Variants in SNTG2 observed in about 807,000 individuals in gnomAD.
SNTG2 encodes gamma-2-syntrophin.
Under a neutral mutation model 70.9 loss-of-function variants are expected in SNTG2, and 74 were observed. The ratio of observed to expected loss-of-function variants is 1.04; its 90% CI spans 0.86 to 1.27. The LOEUF is 1.27. Ranked by LOEUF, SNTG2 falls within the 50% of genes most tolerant of loss-of-function variation. SNTG2 has a pLI of 0.00. For missense variants in SNTG2, 717 were observed against 690.7 expected (o/e 1.04, Z -0.43); for synonymous variants, 278 against 273.8 (o/e 1.02, Z -0.15).
chr2:1,324,541 G>A (rs1311237980), intron 16 of SNTG2, among the ~76,000 whole-genome samples: 1 of 152,064 alleles, frequency 6.6e-6, no homozygotes, highest in African/African-American at 2.4e-5. Flanking sequence ...GAGACTTCTT[G>A]GAGCCAGGAA....
chr2:1,058,328 T>C lies in SNTG2; in HGVS notation c.73-25190T>C, dbSNP rs1039845588. On this transcript the variant is annotated intron_variant, in intron 1 of 16. Coordinates refer to ENST00000308624, the MANE Select transcript of SNTG2 (RefSeq NM_018968.4). ...GGTAAAAGTACAGGCAGAGTAGGCA[T>C]TGGATTTTTTTTTAAAAAAGCAAAC... 5.3e-5 allele frequency among the ~76,000 whole-genome samples: 8 copies of C among 152,172 alleles called. No individual in the cohort carries two copies. In the South Asian group the frequency reaches 8.3e-4, roughly 16 times the overall value.
intron 8 of SNTG2, among the ~76,000 whole-genome samples, chr2:1,193,603 G>A (rs1193864849): frequency 1.3e-5 from 2 of 150,564 alleles, no homozygotes; most frequent in African/African-American, 2.4e-5. Flanking sequence ...GAATAAAGAA[G>A]AAAAAAAAAC....
chr2:1,143,742 G>A (rs1020502758), intron 6 of SNTG2, among the ~76,000 whole-genome samples: 7 of 83,294 alleles, frequency 8.4e-5, no homozygotes, highest in Admixed American at 1.2e-4. Flanking sequence ...GAATGGTGGC[G>A]GATGCCTGTA....
chr2:1,044,677 T>C (rs1452518471), intron 1 of SNTG2, among the ~76,000 whole-genome samples: 1 of 152,230 alleles, frequency 6.6e-6, no homozygotes, highest in Non-Finnish European at 1.5e-5. Flanking sequence ...GTTATCTTCA[T>C]GTGATGAAGT....
intron 1 of SNTG2, among the ~76,000 whole-genome samples, chr2:1,042,578 G>A (rs1661501134): frequency 6.6e-6 from 1 of 152,128 alleles, no homozygotes; most frequent in South Asian, 2.1e-4. Flanking sequence ...GTGTCCATAT[G>A]TACTCAGTAT....
At chr2:1,066,471 G>A (rs1354366423) in intron 1 of SNTG2, among the ~76,000 whole-genome samples, 6 of 152,000 alleles carry the variant, frequency 3.9e-5, no homozygotes, top group African/African-American at 1.4e-4. Flanking sequence ...CTTCTCAGAT[G>A]TGATGATTTT....
intron 16 of SNTG2, among the ~76,000 whole-genome samples, chr2:1,330,540 G>A (rs887762490): frequency 1.3e-5 from 2 of 152,146 alleles, no homozygotes; most frequent in African/African-American, 4.8e-5. Flanking sequence ...AGGATGTCTT[G>A]AGAAGTTAAA....
At chr2:1,083,395 T>C in intron 1 of SNTG2, 123 bp from the exon 2 acceptor site, 4 of 896,668 alleles carry the variant, frequency 4.5e-6, no homozygotes, top group Non-Finnish European at 7.1e-6. Flanking sequence ...CACAGATCTG[T>C]GCACACGCGA....
At chr2:1,235,635 G>A (rs181032809) in intron 9 of SNTG2, among the ~76,000 whole-genome samples, 4 of 145,840 alleles carry the variant, frequency 2.7e-5, no homozygotes, top group African/African-American at 7.5e-5. Flanking sequence ...AGGCACCCCC[G>A]ATTCATGAGA....
At chr2:1,304,849 C>G (rs1432125909) in intron 14 of SNTG2, among the ~76,000 whole-genome samples, 2 of 151,934 alleles carry the variant, frequency 1.3e-5, no homozygotes, top group East Asian at 1.9e-4. Context: ...ATTGATTGCT[C>G]TGTGCTATTG....
At chr2:1,119,707 T>C (rs1343823414) in intron 4 of SNTG2, among the ~76,000 whole-genome samples, 1 of 151,690 alleles carries the variant, frequency 6.6e-6, no homozygotes, top group Non-Finnish European at 1.5e-5. Flanking sequence ...GAATCAAAGC[T>C]GAGCACCACA....
At position 1,230,872 on chromosome 2, in the gene SNTG2, A is replaced by G. The variant is rs911265958; in HGVS notation, c.720-7016A>G. On this transcript the variant is annotated intron_variant, in intron 9 of 16. Coordinates refer to ENST00000308624, the MANE Select transcript of SNTG2 (RefSeq NM_018968.4). ...AGGGGTGAAATAGATCTGAAACATA[A>G]GTTACTTAGGATAATGACAGTGCCT... Among the ~76,000 whole-genome samples, 42 of 152,092 alleles carry G rather than the reference A, an allele frequency of 2.8e-4. 1 individual carries two copies. The highest frequency in any genetic ancestry group is 2.4e-3 in the Admixed American group (36 of 15,288).
rs376593752 is a variant in SNTG2, at chr2:1,248,940, C to CAGTT, written c.1005+1499_1005+1500insTTAG. On this transcript the variant is annotated intron_variant, in intron 12 of 16. Coordinates refer to ENST00000308624, the MANE Select transcript of SNTG2 (RefSeq NM_018968.4). ...ACCATTGAAAAGCAAGGGTTCAAAA[C>CAGTT]AGACAGGTTTCTTGGCCGTGGGTCT... is the stretch of plus-strand genomic sequence containing the variant. Among the ~76,000 whole-genome samples, 333 of 152,334 alleles carry CAGTT rather than the reference C, an allele frequency of 2.2e-3. 5 individuals are homozygous for CAGTT. The highest frequency in any genetic ancestry group is 7.3e-3 in the African/African-American group (304 of 41,566).
At chr2:1,312,795 C>T (rs1025699285) in intron 15 of SNTG2, among the ~76,000 whole-genome samples, 1 of 152,198 alleles carries the variant, frequency 6.6e-6, no homozygotes, top group Non-Finnish European at 1.5e-5. Context: ...TGCTCCTTAG[C>T]TAGGAACAGG....
At chr2:1,067,543 C>A (rs1663237409) in intron 1 of SNTG2, among the ~76,000 whole-genome samples, 1 of 152,056 alleles carries the variant, frequency 6.6e-6, no homozygotes, top group African/African-American at 2.4e-5. Context: ...TGTTCTTAAG[C>A]CTCTTTTTTA....
chr2:1,035,736 G>A (rs1370183702), intron 1 of SNTG2, among the ~76,000 whole-genome samples: 4 of 152,096 alleles, frequency 2.6e-5, no homozygotes, highest in African/African-American at 7.2e-5. Context: ...GTTCATATTT[G>A]CCTACTTTAT....
chr2:1,040,065 C>T (rs575133759), intron 1 of SNTG2, among the ~76,000 whole-genome samples: 6 of 152,126 alleles, frequency 3.9e-5, no homozygotes, highest in East Asian at 1.9e-4. Flanking sequence ...TTGGCCTGTG[C>T]GGGTCACATG....
intron 9 of SNTG2, among the ~76,000 whole-genome samples, chr2:1,218,223 G>A (rs1228501515): frequency 1.3e-5 from 2 of 152,232 alleles, no homozygotes; most frequent in Admixed American, 1.3e-4. Flanking sequence ...AGGGCCATGT[G>A]TTCAGGCTGT....
At chr2:1,290,757 A>T (rs1679958041) in intron 14 of SNTG2, among the ~76,000 whole-genome samples, 1 of 152,228 alleles carries the variant, frequency 6.6e-6, no homozygotes, top group African/African-American at 2.4e-5. Context: ...TGGGAAATGC[A>T]ATACATCAGA....
Sources: gnomAD v4.1 joint callset for allele counts (sites outside exome capture counted in the v4.1 genomes callset) on GRCh38, gnomAD v4.1.1 for gene constraint, MANE v1.5 for transcripts, NCBI Gene and HGNC (gene_info 2026-07-23, HGNC 2026-07-21) for gene names.